PCDH15: variants seen among roughly 807,000 people sequenced by gnomAD.
The protein encoded by PCDH15 is protocadherin related 15.
In PCDH15, 129 loss-of-function variants were observed where a neutral mutation model predicts 178.5. The observed-to-expected ratio is 0.72, with a 90% confidence interval of 0.63 to 0.84. The LOEUF is 0.84. Among genes scored for constraint, PCDH15 ranks in the 40% least tolerant of loss-of-function variants. The pLI is 0.00. For synonymous variants in PCDH15, 800 were observed against 732.0 expected, an observed-to-expected ratio of 1.09 and a Z score of -1.50; for missense variants, 2,230 against 2,099.9, an observed-to-expected ratio of 1.06 and a Z score of -1.21.
intron 1 of PCDH15, among the ~76,000 whole-genome samples, chr10:54,740,771 G>GA (rs1276979984): frequency 6.6e-6 from 1 of 151,978 alleles, no homozygotes; most frequent in Non-Finnish European, 1.5e-5. Context: ...GCCAAATACA[G>GA]AAAAACAAAT....
chr10:53,808,156 G>GTT (rs2132361249), intron 37 of PCDH15: 1 of 152,200 alleles, frequency 6.6e-6, no homozygotes, highest in East Asian at 1.9e-4. Context: ...AATACTTGAA[G>GTT]TTGCAGATAC....
intron 2 of PCDH15, among the ~76,000 whole-genome samples, chr10:55,163,591 C>G (rs1321509208): frequency 6.6e-6 from 1 of 152,058 alleles, no homozygotes; most frequent in African/African-American, 2.4e-5. Context: ...GTCACAAAAA[C>G]CCAGCTGTTA....
At chr10:54,500,363 C>A (rs116750662) in intron 3 of PCDH15, among the ~76,000 whole-genome samples, 2 of 152,070 alleles carry the variant, frequency 1.3e-5, no homozygotes, top group Non-Finnish European at 2.9e-5. Flanking sequence ...ACCTTGGTGA[C>A]AAGGTTATTT....
chr10:54,661,470 G>C (rs1393455731), intron 2 of PCDH15, among the ~76,000 whole-genome samples: 1 of 151,698 alleles, frequency 6.6e-6, no homozygotes. Context: ...TAAAATGACT[G>C]TACTGCCCAA....
At chr10:55,404,076 G>A (rs1379429404) in intron 2 of PCDH15, among the ~76,000 whole-genome samples, 1 of 152,006 alleles carries the variant, frequency 6.6e-6, no homozygotes. Context: ...TTACTGAGAT[G>A]TAAATATAGA....
chr10:55,473,693 C>T (rs1325195980), intron 2 of PCDH15, among the ~76,000 whole-genome samples: 1 of 152,068 alleles, frequency 6.6e-6, no homozygotes, highest in Non-Finnish European at 1.5e-5. Context: ...CATTATGCAG[C>T]AAAATTTTTG....
chr10:54,441,320 G>A (rs1013046253), intron 3 of PCDH15, among the ~76,000 whole-genome samples: 3 of 151,880 alleles, frequency 2.0e-5, no homozygotes, highest in African/African-American at 7.2e-5. Flanking sequence ...CCTAAATCAT[G>A]AGACTGCTGG....
chr10:54,341,308 G>C (rs139001867), intron 6 of PCDH15, among the ~76,000 whole-genome samples: 22 of 152,122 alleles, frequency 1.4e-4, no homozygotes, highest in Non-Finnish European at 2.9e-4. Flanking sequence ...CCCCCATGCT[G>C]TTCTCCCGAT....
intron 28 of PCDH15, among the ~76,000 whole-genome samples, chr10:53,846,065 T>TA (rs2077959474): frequency 7.5e-6 from 1 of 133,170 alleles, no homozygotes; most frequent in African/African-American, 2.6e-5. Context: ...AAAAAAGAAT[T>TA]AAAAAATGAA....
intron 7 of PCDH15, among the ~76,000 whole-genome samples, chr10:54,321,705 A>T (rs979569509): frequency 1.2e-4 from 18 of 152,040 alleles, no homozygotes; most frequent in Non-Finnish European, 1.6e-4. Flanking sequence ...TGTGTTAAAG[A>T]TAGTGTATTT....
intron 2 of PCDH15, among the ~76,000 whole-genome samples, chr10:55,409,793 G>C (rs996301066): frequency 6.6e-6 from 1 of 152,108 alleles, no homozygotes; most frequent in African/African-American, 2.4e-5. Flanking sequence ...AGACATTAAA[G>C]TACTAATTTG....
intron 3 of PCDH15, among the ~76,000 whole-genome samples, chr10:54,502,880 G>A (rs577127812): frequency 2.6e-5 from 4 of 151,794 alleles, no homozygotes; most frequent in Admixed American, 6.6e-5. Context: ...AAATCTCTTC[G>A]AATCATGCAT....
chr10:54,572,960 C>T (rs2090017656), intron 2 of PCDH15, among the ~76,000 whole-genome samples: 1 of 152,068 alleles, frequency 6.6e-6, no homozygotes, highest in Non-Finnish European at 1.5e-5. Flanking sequence ...ATCACATACC[C>T]TTTCAAGTTT....
At chr10:55,196,535 T>A (rs1591982004) in intron 1 of PCDH15, among the ~76,000 whole-genome samples, 1 of 152,164 alleles carries the variant, frequency 6.6e-6, no homozygotes, top group Non-Finnish European at 1.5e-5. Flanking sequence ...TTCCTGGATA[T>A]AATCACAGGT....
intron 3 of PCDH15, among the ~76,000 whole-genome samples, chr10:54,404,223 A>G (rs1952316406): frequency 6.6e-6 from 1 of 152,000 alleles, no homozygotes; most frequent in South Asian, 2.1e-4. Flanking sequence ...GGCATTCCTA[A>G]GCAAAAAATA....
Position 54,273,374 on chromosome 10 carries a change from T to TA in PCDH15, c.877-36444dup, listed in dbSNP as rs201148501. Among the ~76,000 whole-genome samples the TA allele has an allele frequency of 4.3e-3, 350 of 81,202 alleles. 1 individual carries two copies. Among genetic ancestry groups the TA allele is most frequent in the African/African-American group, 9.9e-3 (300 of 30,408 alleles). 53.3% of individuals were successfully genotyped at this position (81,202 alleles called of 152,430 possible). ...AAAGAGAAAAAAGGAAGTAGTACAG[T>TA]AAAAAAAAAAAGGTGATGCTTTAAA... On this transcript the variant is annotated intron_variant, in intron 8 of 37. Transcript: ENST00000644397.
At chr10:53,866,010 ATCAAAC>A (rs2079424587) in intron 27 of PCDH15, among the ~76,000 whole-genome samples, 1 of 152,208 alleles carries the variant, frequency 6.6e-6, no homozygotes, top group African/African-American at 2.4e-5. Context: ...ACAAGCTAAT[ATCAAAC>A]TTCCCTTTCA....
chr10:55,290,332 T>C (rs1384514778), intron 1 of PCDH15, among the ~76,000 whole-genome samples: 2 of 150,308 alleles, frequency 1.3e-5, no homozygotes, highest in African/African-American at 5.0e-5. Flanking sequence ...TCACAGTGTG[T>C]ATTGGGGAGG....
chr10:54,368,891 A>C (rs899143281), intron 5 of PCDH15, among the ~76,000 whole-genome samples: 1 of 152,052 alleles, frequency 6.6e-6, no homozygotes, highest in African/African-American at 2.4e-5. Context: ...ATGATGAAAA[A>C]TAAAATATCT....
Sources: gnomAD v4.1 joint callset for allele counts (sites outside exome capture counted in the v4.1 genomes callset) on GRCh38, gnomAD v4.1.1 for gene constraint, MANE v1.5 for transcripts, NCBI Gene and HGNC (gene_info 2026-07-23, HGNC 2026-07-21) for gene names.